DLG2: variants seen among roughly 807,000 people sequenced by gnomAD.
DLG2 encodes discs large MAGUK scaffold protein 2.
In DLG2, 45 loss-of-function variants were observed where a neutral mutation model predicts 132.5. The observed-to-expected ratio is 0.34, with a 90% CI of 0.27 to 0.44. DLG2 has a LOEUF of 0.44. Among genes scored for constraint, DLG2 ranks in the 20% least tolerant of loss-of-function variants. The pLI, the probability that DLG2 is intolerant of heterozygous loss-of-function variation, is 1.00. For synonymous variants in DLG2, 424 were observed against 419.6 expected, an observed-to-expected ratio of 1.01 and a Z score of -0.13; for missense variants, 1,045 against 1,196.9, an observed-to-expected ratio of 0.87 and a Z score of 1.87.
intron 4 of DLG2, among the ~76,000 whole-genome samples, chr11:85,163,779 T>G (rs763226192): frequency 2.0e-5 from 3 of 152,196 alleles, no homozygotes; most frequent in Non-Finnish European, 2.9e-5. Context: ...AACCACCCTA[T>G]AGCTGAGTTG....
chr11:84,760,271 A>G (rs2067433680), intron 6 of DLG2, among the ~76,000 whole-genome samples: 1 of 152,236 alleles, frequency 6.6e-6, no homozygotes, highest in African/African-American at 2.4e-5. Flanking sequence ...CAGGGCTGCC[A>G]AGCAAACTCA....
intron 10 of DLG2, among the ~76,000 whole-genome samples, chr11:84,097,855 G>A (rs183608764): frequency 1.3e-5 from 2 of 151,916 alleles, no homozygotes; most frequent in East Asian, 3.9e-4. Context: ...CCAACCTATA[G>A]TGCCTTTTAG....
intron 4 of DLG2, among the ~76,000 whole-genome samples, chr11:85,231,420 A>G (rs1243591380): frequency 6.6e-6 from 1 of 151,958 alleles, no homozygotes; most frequent in Non-Finnish European, 1.5e-5. Context: ...AAGGTTTCCC[A>G]TTTCATGGCT....
At chr11:85,075,166 T>C (rs2066360561) in intron 6 of DLG2, among the ~76,000 whole-genome samples, 1 of 151,956 alleles carries the variant, frequency 6.6e-6, no homozygotes, top group Non-Finnish European at 1.5e-5. Context: ...TAGCATAAAA[T>C]CGTGGTGCAT....
At chr11:84,953,240 T>C (rs905244583) in intron 6 of DLG2, among the ~76,000 whole-genome samples, 3 of 152,224 alleles carry the variant, frequency 2.0e-5, no homozygotes, top group Admixed American at 6.5e-5. Flanking sequence ...AATATCCAAA[T>C]GCTTACTGGG....
Position 85,229,979 on chromosome 11 carries a change from A to G in DLG2, c.186+55241T>C, listed in dbSNP as rs2075206207. 3.3e-5 allele frequency among the ~76,000 whole-genome samples: 5 copies of G among 151,970 alleles called. No individual in the cohort carries two copies. The South Asian group carries it at 1.0e-3, about 31-fold the overall frequency. On this transcript the variant is annotated intron_variant, in intron 4 of 27. Transcript: ENST00000376104. ...GAGCATCACACATCGGGGCCTGTCA[A>G]GGGGTGGGGAGCTAGAGGAGGGATA... is the stretch of plus-strand genomic sequence containing the variant.
intron 10 of DLG2, among the ~76,000 whole-genome samples, chr11:84,067,917 C>A (rs997877402): frequency 1.3e-5 from 2 of 151,910 alleles, no homozygotes; most frequent in African/African-American, 4.8e-5. Context: ...ATCTATGAGG[C>A]TTTTTTTTCC....
At chr11:83,883,509 A>T (rs1348449963) in intron 15 of DLG2, among the ~76,000 whole-genome samples, 4 of 152,178 alleles carry the variant, frequency 2.6e-5, no homozygotes, top group African/African-American at 9.7e-5. Flanking sequence ...TAGCTGAGAG[A>T]CTCTGAGAGT....
At chr11:84,139,095 G>A (rs2094726435) in intron 9 of DLG2, among the ~76,000 whole-genome samples, 1 of 151,924 alleles carries the variant, frequency 6.6e-6, no homozygotes, top group Non-Finnish European at 1.5e-5. Context: ...AGAACAAGAA[G>A]AGTCAAGTCT....
At chr11:84,770,905 G>T (rs1316601572) in intron 6 of DLG2, among the ~76,000 whole-genome samples, 1 of 151,612 alleles carries the variant, frequency 6.6e-6, no homozygotes, top group East Asian at 1.9e-4. Context: ...GCCCACCTTG[G>T]CCTCCCATAG....
At chr11:85,524,787 C>A (rs897398454) in intron 3 of DLG2, among the ~76,000 whole-genome samples, 1 of 152,088 alleles carries the variant, frequency 6.6e-6, no homozygotes, top group Non-Finnish European at 1.5e-5. Context: ...AGCCACTGTA[C>A]CCCACTGCTA....
At position 85,021,714 on chromosome 11, in the gene DLG2, C is replaced by G; in HGVS notation, c.357+89947G>C. On this transcript the variant is annotated intron_variant, in intron 6 of 27. Coordinates refer to ENST00000376104, the MANE Select transcript of DLG2 (RefSeq NM_001142699.3). Reference sequence around the variant, plus strand: ...ATGTGGCTGAAGATCAAAAAAAATCCCATAGGAGTGAGGAGGGAGAAGAGA... The same window carrying G: ...ATGTGGCTGAAGATCAAAAAAAATCGCATAGGAGTGAGGAGGGAGAAGAGA... 5 of 816,786 alleles carry G rather than the reference C, an allele frequency of 6.1e-6. No homozygotes were observed. The South Asian group carries it at 7.7e-5, about 13-fold the overall frequency. The allele number at this position is 816,786 out of a possible 1,614,324, so 50.6% of individuals were successfully genotyped here. A position where few individuals can be genotyped will look rare whatever the true frequency, so the allele number is the denominator to read the frequency against.
At chr11:85,279,694 CCAAAA>C (rs914755829) in intron 4 of DLG2, among the ~76,000 whole-genome samples, 12 of 151,768 alleles carry the variant, frequency 7.9e-5, no homozygotes, top group African/African-American at 2.9e-4. Context: ...GAAAAACAAA[CCAAAA>C]CAAAAAATAA....
At chr11:85,442,882 A>G (rs2091851126) in intron 3 of DLG2, among the ~76,000 whole-genome samples, 1 of 152,070 alleles carries the variant, frequency 6.6e-6, no homozygotes, top group Non-Finnish European at 1.5e-5. Flanking sequence ...TTCTCTCAAA[A>G]AAAGGAAGAA....
chr11:84,788,100 CAAAAAAAAAAAAA>C (rs139086655), intron 6 of DLG2, among the ~76,000 whole-genome samples: 1 of 45,666 alleles, frequency 2.2e-5, no homozygotes, highest in East Asian at 1.1e-3. Flanking sequence ...GAATATGTCT[CAAAAAAAAAAAAA>C]AAAAAAAAAA....
chr11:83,487,462 A>C (rs2093591589), intron 21 of DLG2, among the ~76,000 whole-genome samples: 1 of 152,094 alleles, frequency 6.6e-6, no homozygotes, highest in Non-Finnish European at 1.5e-5. Flanking sequence ...GAAGTGTATA[A>C]ATCTTCTATT....
At chr11:84,738,220 TTTTC>T (rs1478539458) in intron 6 of DLG2, among the ~76,000 whole-genome samples, 2 of 152,058 alleles carry the variant, frequency 1.3e-5, no homozygotes, top group African/African-American at 4.8e-5. Flanking sequence ...ATTTTCTTTT[TTTTC>T]TTTTTCTTTT....
At chr11:83,538,003 C>T (rs2095940963) in intron 20 of DLG2, among the ~76,000 whole-genome samples, 1 of 151,970 alleles carries the variant, frequency 6.6e-6, no homozygotes, top group South Asian at 2.1e-4. Flanking sequence ...GGTCCTCAAC[C>T]TCTTAGGATT....
chr11:83,905,457 T>G (rs1180681390), intron 15 of DLG2, among the ~76,000 whole-genome samples: 1 of 152,152 alleles, frequency 6.6e-6, no homozygotes, highest in East Asian at 1.9e-4. Flanking sequence ...ACAATTTATG[T>G]TAATTGTATG....
Sources: allele counts gnomAD v4.1 joint callset (sites outside exome capture counted in the v4.1 genomes callset), GRCh38; gene constraint gnomAD v4.1.1; transcripts MANE v1.5; gene names NCBI Gene and HGNC (gene_info 2026-07-23, HGNC 2026-07-21).